Variants in HECW2 observed in about 807,000 individuals in gnomAD.
The protein encoded by HECW2 is E3 ubiquitin-protein ligase HECW2.
In HECW2, 61 loss-of-function variants were observed where a neutral mutation model predicts 175.2. That is an observed-to-expected ratio of 0.35 (90% CI 0.28 to 0.43). HECW2 has a LOEUF of 0.43. HECW2 is among the 20% of genes least tolerant of loss of function. The pLI, the probability that HECW2 is intolerant of heterozygous loss-of-function variation, is 1.00. For synonymous variants in HECW2, 671 were observed against 731.0 expected, an observed-to-expected ratio of 0.92 and a Z score of 1.32; for missense variants, 1,524 against 2,000.5, an observed-to-expected ratio of 0.76 and a Z score of 4.54.
At chr2:196,564,664 G>A (rs565816498) in intron 1 of HECW2, among the ~76,000 whole-genome samples, 101 of 151,766 alleles carry the variant, frequency 6.7e-4, no homozygotes, top group Non-Finnish European at 1.3e-3. Flanking sequence ...AGGGAAAGAG[G>A]AAATATTTTT....
chr2:196,505,638 G>A (rs1687734513), intron 1 of HECW2, among the ~76,000 whole-genome samples: 1 of 151,990 alleles, frequency 6.6e-6, no homozygotes, highest in South Asian at 2.1e-4. Flanking sequence ...ATCACAGGCT[G>A]GTCTGATTTT....
intron 1 of HECW2, among the ~76,000 whole-genome samples, chr2:196,532,299 T>A (rs1688866013): frequency 6.6e-6 from 1 of 152,064 alleles, no homozygotes; most frequent in Non-Finnish European, 1.5e-5. Context: ...TATGCAGCCA[T>A]AAAAAAGGAT....
At chr2:196,471,744 T>G (rs1222677774) in intron 1 of HECW2, among the ~76,000 whole-genome samples, 1 of 152,000 alleles carries the variant, frequency 6.6e-6, no homozygotes, top group East Asian at 1.9e-4. Flanking sequence ...ATGTTCTCAC[T>G]TACAAGTAGG....
chr2:196,494,920 C>T (rs529018290), intron 1 of HECW2, among the ~76,000 whole-genome samples: 2 of 152,148 alleles, frequency 1.3e-5, no homozygotes, highest in Non-Finnish European at 2.9e-5. Context: ...TCTGTAGTCT[C>T]CAACAATCAT....
intron 2 of HECW2, among the ~76,000 whole-genome samples, chr2:196,383,347 A>C (rs1433228892): frequency 6.6e-6 from 1 of 152,218 alleles, no homozygotes; most frequent in African/African-American, 2.4e-5. Context: ...AATGGCACTC[A>C]GAAAAAGAAT....
At chr2:196,237,523 G>A (rs549660362) in intron 21 of HECW2, among the ~76,000 whole-genome samples, 5 of 152,130 alleles carry the variant, frequency 3.3e-5, no homozygotes, top group South Asian at 4.1e-4. Flanking sequence ...TCATTATTTC[G>A]TTCCTTTTTA....
intron 1 of HECW2, among the ~76,000 whole-genome samples, chr2:196,453,520 C>A (rs754397119): frequency 2.6e-5 from 4 of 152,052 alleles, no homozygotes; most frequent in Non-Finnish European, 5.9e-5. Context: ...TAATTAGGAT[C>A]CATACAGAGC....
chr2:196,354,643 C>A (rs188257649), intron 2 of HECW2, among the ~76,000 whole-genome samples: 1 of 152,168 alleles, frequency 6.6e-6, no homozygotes, highest in Admixed American at 6.5e-5. Context: ...ACACACAAAG[C>A]CTTTTTAAAG....
intron 1 of HECW2, among the ~76,000 whole-genome samples, chr2:196,473,974 T>C (rs955351738): frequency 6.6e-5 from 10 of 152,338 alleles, no homozygotes; most frequent in African/African-American, 2.4e-4. Flanking sequence ...AGCGAGAATT[T>C]TTCTAGAACC....
chr2:196,319,490 T>C lies in HECW2; in HGVS notation c.1400A>G (p.Glu467Gly). The stretch of plus-strand genomic sequence containing the variant: ...GTCTTGCTGGAACTCGTGATCTTCT[T>C]CATCTGAATCAATATGAAGCATGGC... ...LNAMLHIDSD[E>G]EDHEFQQDLG... The change falls in exon 9 of 29, where the codon GAA (glutamate) becomes GGA (glycine). Residue 467 changes from glutamate to glycine, a missense_variant. Physicochemically the swap from Glu to Gly is moderately conservative, Grantham distance 98. This residue lies in a region of HECW2 where 604 missense variants were observed against 588.3 expected (regional missense o/e 1.03). Coordinates refer to ENST00000644978, the MANE Select transcript of HECW2 (RefSeq NM_001348768.2). 1 of 1,614,140 alleles carries C rather than the reference T, an allele frequency of 6.2e-7. No individual in the cohort carries two copies. The highest frequency in any genetic ancestry group is 8.5e-7 in the Non-Finnish European group (1 of 1,180,026).
At chr2:196,268,104 TA>T (rs1310381257) in intron 17 of HECW2, among the ~76,000 whole-genome samples, 3 of 152,252 alleles carry the variant, frequency 2.0e-5, no homozygotes, top group African/African-American at 7.2e-5. Context: ...CACAACTATA[TA>T]AAACAGAATG....
intron 11 of HECW2, 42 bp from the exon 12 acceptor site, chr2:196,307,275 G>A (rs753577674): frequency 7.4e-7 from 1 of 1,342,488 alleles, no homozygotes; most frequent in Admixed American, 1.7e-5. Flanking sequence ...CAGCATTTAA[G>A]AGATGGGACT....
chr2:196,542,265 G>GAAAAAA lies in HECW2; in HGVS notation c.-36+51237_-36+51242dup, dbSNP rs1181642124. On this transcript the variant is annotated intron_variant, in intron 1 of 28. Transcript: ENST00000644978. ...GGCGACAGAGTGAGACTCTGTCTCAGAAAAAAAAAAAAAAAAAGACAAAGG... is the reference window on the plus strand; with the variant it reads ...GGCGACAGAGTGAGACTCTGTCTCAGAAAAAAAAAAAAAAAAAAAAAAAGACAAAGG... Among the ~76,000 whole-genome samples the GAAAAAA allele has an allele frequency of 2.2e-5, 2 of 92,318 alleles. 1 individual carries two copies. 60.6% of individuals were successfully genotyped at this position (92,318 alleles called of 152,430 possible).
At chr2:196,476,097 C>T (rs1686600970) in intron 1 of HECW2, among the ~76,000 whole-genome samples, 1 of 151,990 alleles carries the variant, frequency 6.6e-6, no homozygotes, top group Admixed American at 6.6e-5. Context: ...CTGGCTCTAT[C>T]ATTTTAGCAA....
At chr2:196,291,340 C>T (rs1041805406) in intron 14 of HECW2, 2 of 152,016 alleles carry the variant, frequency 1.3e-5, no homozygotes, top group Non-Finnish European at 2.9e-5. Context: ...TCATTTGTTG[C>T]GTTATTTTTC....
chr2:196,335,689 A>G (rs1237911679), intron 3 of HECW2, among the ~76,000 whole-genome samples: 1 of 152,224 alleles, frequency 6.6e-6, no homozygotes, highest in African/African-American at 2.4e-5. Flanking sequence ...ATGAACAAAT[A>G]CTAAATCTCA....
chr2:196,288,727 A>C (rs1239317654), intron 14 of HECW2: 2 of 152,238 alleles, frequency 1.3e-5, no homozygotes, highest in Non-Finnish European at 2.9e-5. Context: ...AATTTCAGTA[A>C]ATTATGAATG....
intron 17 of HECW2, chr2:196,260,039 A>G (rs1166657176): frequency 1.3e-5 from 2 of 152,204 alleles, no homozygotes; most frequent in Non-Finnish European, 2.9e-5. Flanking sequence ...GAGTTGAGTG[A>G]TGGTAGATAT....
chr2:196,280,947 C>T (rs1690161168), intron 14 of HECW2, among the ~76,000 whole-genome samples: 1 of 152,198 alleles, frequency 6.6e-6, no homozygotes, highest in South Asian at 2.1e-4. Flanking sequence ...TATTAACCAT[C>T]TTGTTTAAGG....
Sources: gnomAD v4.1 joint callset for allele counts (sites outside exome capture counted in the v4.1 genomes callset) on GRCh38, gnomAD v4.1.1 for gene constraint, gnomAD v4.1.1 regional missense constraint, MANE v1.5 for transcripts, NCBI Gene and HGNC (gene_info 2026-07-23, HGNC 2026-07-21) for gene names.